Variants in KLHL12 observed in about 807,000 individuals in gnomAD.
KLHL12 encodes the protein kelch-like protein 12.
A neutral mutation model predicts 60.8 loss-of-function variants in KLHL12; 17 were observed. That is an observed-to-expected ratio of 0.28 (90% CI 0.19 to 0.42). KLHL12 has a LOEUF of 0.42. Ranked by LOEUF, KLHL12 falls within the 10% of genes least tolerant of loss-of-function variation. The pLI, the probability that KLHL12 is intolerant of heterozygous loss-of-function variation, is 1.00. For synonymous variants in KLHL12, 220 were observed against 250.9 expected (o/e 0.88, Z 1.16); for missense variants, 468 against 722.3 (o/e 0.65, Z 4.04).
chr1:202,908,536 G>C (rs928327243), intron 6 of KLHL12, among the ~76,000 whole-genome samples: 1 of 152,116 alleles, frequency 6.6e-6, no homozygotes, highest in African/African-American at 2.4e-5. Flanking sequence ...AGGTAAACTG[G>C]TACCTGCACC....
At chr1:202,927,833 T>A (rs537256615), upstream of KLHL12, among the ~76,000 whole-genome samples, 1 of 148,678 alleles carries the variant, frequency 6.7e-6, no homozygotes, top group East Asian at 2.0e-4. Context: ...TACAAAAAAA[T>A]TAGCCGGGCG....
At chr1:202,917,236 A>T (rs903781367) in intron 4 of KLHL12, among the ~76,000 whole-genome samples, 25 of 152,146 alleles carry the variant, frequency 1.6e-4, no homozygotes, top group African/African-American at 6.0e-4. Context: ...CCCGCAAGAG[A>T]CAGGGTCTCC....
At position 202,909,373 on chromosome 1, in the gene KLHL12, G is replaced by GT. The variant is rs1660288793; in HGVS notation, c.718-250dup. On this transcript the variant is annotated intron_variant, in intron 5 of 11. Transcript: ENST00000367261. This position sits in a 1 kb window ranked among gnomAD's most constrained non-coding sequence, Gnocchi z 4.1. ...ATGATATAAACAGATATGTTGAGCA[G>GT]TATTTCCCATCTATCGCAGCGCTTA... Among the ~76,000 whole-genome samples the GT allele has an allele frequency of 6.6e-6, 1 of 151,518 alleles. No individual in the cohort carries two copies. Among genetic ancestry groups the GT allele is most frequent in the African/African-American group, 2.4e-5 (1 of 41,098 alleles).
At chr1:202,926,915 A>G (rs1384251779) in intron 1 of KLHL12, among the ~76,000 whole-genome samples, 174 bp downstream of exon 1, 20 of 152,010 alleles carry the variant, frequency 1.3e-4, no homozygotes, top group Non-Finnish European at 2.9e-5. Context: ...TCAGGGGGAG[A>G]GTTGAGAGGG....
At position 202,925,218 on chromosome 1, in the gene KLHL12, G is replaced by GA. The variant is rs752706995; in HGVS notation, c.-45-12dup. On this transcript the variant is annotated splice_polypyrimidine_tract_variant and intron_variant, in intron 1 of 11. Coordinates refer to ENST00000367261, the MANE Select transcript of KLHL12 (RefSeq NM_021633.4). ...CCTTGGATTCTGCAACTACAAGAGG[G>GA]AAAAAAAAACAATGAGCATATTCAA... The GA allele has an allele frequency of 7.9e-4, 1,212 of 1,535,236 alleles. No individual in the cohort carries two copies. The highest frequency in any genetic ancestry group is 1.6e-3 in the Admixed American group (83 of 50,452).
At chr1:202,911,480 A>C (rs1400278471) in intron 4 of KLHL12, among the ~76,000 whole-genome samples, 2 of 146,230 alleles carry the variant, frequency 1.4e-5, no homozygotes, top group African/African-American at 5.1e-5. Flanking sequence ...CTCTCTCTCT[A>C]AGATAGATAG....
intron 6 of KLHL12, among the ~76,000 whole-genome samples, chr1:202,901,494 G>C (rs1434904522): frequency 1.3e-5 from 2 of 149,818 alleles, no homozygotes; most frequent in Admixed American, 1.3e-4. Context: ...AAGAGAGGAG[G>C]TCTCACTATG....
intron 6 of KLHL12, among the ~76,000 whole-genome samples, chr1:202,906,282 G>A (rs1330845412): frequency 2.0e-5 from 3 of 149,060 alleles, no homozygotes; most frequent in South Asian, 2.2e-4. Flanking sequence ...GTGAAACCCC[G>A]TCTCTACTAA....
chr1:202,921,635 G>A (rs1456431502), intron 2 of KLHL12, among the ~76,000 whole-genome samples: 3 of 152,176 alleles, frequency 2.0e-5, no homozygotes, highest in Admixed American at 6.5e-5. Flanking sequence ...TAAATTGTTA[G>A]TAGTATATCT....
At chr1:202,920,968 C>T (rs575325373) in intron 2 of KLHL12, among the ~76,000 whole-genome samples, 26 of 152,236 alleles carry the variant, frequency 1.7e-4, no homozygotes, top group Admixed American at 2.6e-4. Context: ...TAACTCCAGT[C>T]TCTCCAGGAC....
rs907754178 is a variant in KLHL12, at chr1:202,911,892, T to C, written c.568-689A>G. The C allele has an allele frequency of 1.3e-5, 11 of 851,628 alleles. 1 individual carries two copies. Among genetic ancestry groups the C allele is most frequent in the East Asian group, 7.2e-5 (3 of 41,496 alleles). 52.8% of individuals were successfully genotyped at this position (851,628 alleles called of 1,614,324 possible). A position where few individuals can be genotyped will look rare whatever the true frequency, so the allele number is the denominator to read the frequency against. Reference sequence around the variant, plus strand: ...GAGGGTTGAGCTTTGAAATAACCAATGAAGAAAGCCTGAGGAGCTATTTTG... The same window carrying C: ...GAGGGTTGAGCTTTGAAATAACCAACGAAGAAAGCCTGAGGAGCTATTTTG... On this transcript the variant is annotated intron_variant, in intron 4 of 11. Coordinates refer to ENST00000367261, the MANE Select transcript of KLHL12 (RefSeq NM_021633.4).
In KLHL12 at chr1:202,911,067, A is replaced by T; in HGVS notation, c.704T>A (p.Val235Glu). Residue 235 changes from valine to glutamate, a missense_variant, in exon 5 of 12, where the codon GTA becomes GAA. Physicochemically the swap from Val to Glu is moderately radical, Grantham distance 121 (BLOSUM62 -2). Around this residue, in one of 4 missense-constraint regions of KLHL12, gnomAD observed 339 missense variants for 525.0 expected, o/e 0.65. Coordinates refer to ENST00000367261, the MANE Select transcript of KLHL12 (RefSeq NM_021633.4). ...PLLTPRYITD[V>E]IDAEPFIRCS... ...TGCACTACTTACCTCAGCATCTATT[A>T]CATCTGTGATATACCTGGGGGTTAG... is the stretch of plus-strand genomic sequence containing the variant. The T allele has an allele frequency of 6.2e-7, 1 of 1,614,124 alleles. No homozygotes were observed. The highest frequency in any genetic ancestry group is 8.5e-7 in the Non-Finnish European group (1 of 1,179,980).
chr1:202,901,380 C>T (rs1660002072), intron 6 of KLHL12, among the ~76,000 whole-genome samples: 1 of 152,256 alleles, frequency 6.6e-6, no homozygotes, highest in South Asian at 2.1e-4. Flanking sequence ...ATCCTCCTAC[C>T]TCCCAGGCTC....
At chr1:202,912,918 G>A (rs1260808976) in intron 4 of KLHL12, among the ~76,000 whole-genome samples, 1 of 151,994 alleles carries the variant, frequency 6.6e-6, no homozygotes, top group Non-Finnish European at 1.5e-5. Context: ...GTGACTAATT[G>A]TGTAACAGGT....
chr1:202,912,139 G>T, intron 4 of KLHL12: 1 of 858,420 alleles, frequency 1.2e-6, no homozygotes, highest in South Asian at 1.3e-5. Flanking sequence ...AAAGATATTT[G>T]TTGGCAGCAT....
At chr1:202,903,156 T>C (rs1266179160) in intron 6 of KLHL12, among the ~76,000 whole-genome samples, 1 of 52,122 alleles carries the variant, frequency 1.9e-5, no homozygotes, top group Non-Finnish European at 3.6e-5. Context: ...TGAGACCTTG[T>C]CTCAAAAAAA....
At chr1:202,903,629 C>CTTTCTTTTTTTTTTTTTTT (rs1660088097) in intron 6 of KLHL12, among the ~76,000 whole-genome samples, 1 of 76,086 alleles carries the variant, frequency 1.3e-5, no homozygotes, top group Non-Finnish European at 2.5e-5. Context: ...TTTTTCTTTT[C>CTTTCTTTTTTTTTTTTTTT]TTTTTTTTTT....
At chr1:202,907,011 T>C (rs545950367) in intron 6 of KLHL12, among the ~76,000 whole-genome samples, 1 of 152,278 alleles carries the variant, frequency 6.6e-6, no homozygotes, top group East Asian at 1.9e-4. Flanking sequence ...ATCCAGAAGG[T>C]ATACAAATAT....
chr1:202,905,968 C>CTTTTTTTTTTTTT (rs71142574), intron 6 of KLHL12, among the ~76,000 whole-genome samples: 605 of 51,648 alleles, frequency 0.012, 1 homozygote, highest in East Asian at 0.017. Flanking sequence ...CCACACCTGG[C>CTTTTTTTTTTTTT]TTTTTTTTTT....
Sources: gnomAD v4.1 joint callset for allele counts (sites outside exome capture counted in the v4.1 genomes callset) on GRCh38, gnomAD v4.1.1 for gene constraint, gnomAD v4.1.1 regional missense constraint, Gnocchi (gnomAD v3.1) non-coding constraint, MANE v1.5 for transcripts, NCBI Gene and HGNC (gene_info 2026-07-23, HGNC 2026-07-21) for gene names.